SNTG2: variants seen among roughly 807,000 people sequenced by gnomAD.
The protein encoded by SNTG2 is syntrophin gamma 2, also known as gamma-2-syntrophin.
A neutral mutation model predicts 70.9 loss-of-function variants in SNTG2; 74 were observed. The observed-to-expected ratio is 1.04, with a 90% CI of 0.86 to 1.27. The LOEUF (loss-of-function observed/expected upper bound fraction) is 1.27, where lower values mean the gene tolerates loss of function less well. SNTG2 is among the 50% of genes most tolerant of loss of function. The probability of loss-of-function intolerance (pLI) is 0.00; values close to 1 mark genes in which losing one functional copy is unlikely to be tolerated. For synonymous variants in SNTG2, 278 were observed against 273.8 expected (o/e 1.02, Z -0.15); for missense variants, 717 against 690.7 (o/e 1.04, Z -0.43).
At chr2:1,015,048 C>T (rs1228573900) in intron 1 of SNTG2, among the ~76,000 whole-genome samples, 1 of 152,072 alleles carries the variant, frequency 6.6e-6, no homozygotes, top group East Asian at 1.9e-4. Context: ...GAGTGAAAAC[C>T]CTTGGGTGGT....
intron 4 of SNTG2, among the ~76,000 whole-genome samples, chr2:1,127,847 A>C (rs1405406571): frequency 6.6e-6 from 1 of 152,068 alleles, no homozygotes; most frequent in Non-Finnish European, 1.5e-5. Flanking sequence ...CAGTGCTAAG[A>C]GTTTTTTGGT....
chr2:1,153,771 G>A (rs1205017033), intron 6 of SNTG2, among the ~76,000 whole-genome samples: 1 of 152,222 alleles, frequency 6.6e-6, no homozygotes, highest in Non-Finnish European at 1.5e-5. Context: ...GAAAATGTTA[G>A]CTGTTTCTCA....
chr2:996,053 C>T (rs1009102479), intron 1 of SNTG2, among the ~76,000 whole-genome samples: 10 of 152,266 alleles, frequency 6.6e-5, no homozygotes, highest in South Asian at 4.1e-4. Flanking sequence ...TGAGGAAACA[C>T]TTTTATTGTC....
intron 1 of SNTG2, among the ~76,000 whole-genome samples, chr2:1,022,355 G>T (rs1410508411): frequency 6.6e-6 from 1 of 151,696 alleles, no homozygotes; most frequent in African/African-American, 2.4e-5. Flanking sequence ...GAGCCTGTGC[G>T]TTCCCGTGAA....
At chr2:1,033,452 G>A (rs1472880420) in intron 1 of SNTG2, among the ~76,000 whole-genome samples, 1 of 152,232 alleles carries the variant, frequency 6.6e-6, no homozygotes, top group Non-Finnish European at 1.5e-5. Context: ...CGTTGCCTGT[G>A]GCACAGTTAC....
At chr2:1,036,415 A>G (rs1443037699) in intron 1 of SNTG2, among the ~76,000 whole-genome samples, 4 of 152,162 alleles carry the variant, frequency 2.6e-5, no homozygotes, top group Non-Finnish European at 4.4e-5. Context: ...CCTTGAGTCT[A>G]AAAGTGACTC....
At chr2:1,173,510 T>C (rs1029083123) in intron 8 of SNTG2, among the ~76,000 whole-genome samples, 32 of 152,268 alleles carry the variant, frequency 2.1e-4, no homozygotes, top group Non-Finnish European at 8.8e-5. Flanking sequence ...AGGAAACTTC[T>C]GTGAGACTCC....
At chr2:992,225 G>A (rs1661521093) in intron 1 of SNTG2, among the ~76,000 whole-genome samples, 1 of 151,738 alleles carries the variant, frequency 6.6e-6, no homozygotes, top group South Asian at 2.1e-4. Flanking sequence ...ACAGGAAGCA[G>A]AAAAGAAATA....
At chr2:1,141,402 G>T (rs1242572172) in intron 6 of SNTG2, among the ~76,000 whole-genome samples, 1 of 152,216 alleles carries the variant, frequency 6.6e-6, no homozygotes, top group African/African-American at 2.4e-5. Flanking sequence ...GCTAGAAACT[G>T]CAGGAGAAAG....
intron 16 of SNTG2, among the ~76,000 whole-genome samples, chr2:1,330,884 G>T (rs774452169): frequency 3.0e-4 from 46 of 152,156 alleles, no homozygotes; most frequent in Non-Finnish European, 6.2e-4. Flanking sequence ...TTTCAAAAGT[G>T]ACCAAGGCTG....
intron 1 of SNTG2, among the ~76,000 whole-genome samples, chr2:976,716 G>T (rs1660917431): frequency 6.6e-6 from 1 of 152,212 alleles, no homozygotes; most frequent in African/African-American, 2.4e-5. Context: ...GGTGGCACCT[G>T]CTGTCCACTC....
intron 1 of SNTG2, among the ~76,000 whole-genome samples, chr2:1,064,589 T>C (rs987335149): frequency 3.3e-5 from 5 of 152,134 alleles, no homozygotes; most frequent in African/African-American, 1.2e-4. Context: ...ACATCGTTCA[T>C]GAAGTGATAC....
At chr2:954,517 T>G (rs1018607764) in intron 1 of SNTG2, among the ~76,000 whole-genome samples, 1 of 152,256 alleles carries the variant, frequency 6.6e-6, no homozygotes, top group African/African-American at 2.4e-5. Context: ...TACCGCATGT[T>G]GTCATGACTG....
intron 14 of SNTG2, among the ~76,000 whole-genome samples, chr2:1,279,125 C>CCT (rs201449360): frequency 6.9e-6 from 1 of 145,152 alleles, no homozygotes; most frequent in Admixed American, 6.9e-5. Context: ...GCGAATCACC[C>CCT]GTCAGTGCGC....
intron 6 of SNTG2, among the ~76,000 whole-genome samples, chr2:1,155,165 GTAGACCCCCCCCCCACACACATATA>G (rs1669792564): frequency 6.8e-5 from 1 of 14,606 alleles, no homozygotes; most frequent in Admixed American, 9.8e-4. Flanking sequence ...ACACACACAC[GTAGACCCCCCCCCCACACACATATA>G]TAGACCACAC....
chr2:1,175,463 A>G (rs969795303), intron 8 of SNTG2, among the ~76,000 whole-genome samples: 4 of 152,162 alleles, frequency 2.6e-5, no homozygotes, highest in African/African-American at 4.8e-5. Flanking sequence ...CCAGTTCTAC[A>G]AAAAACAGTG....
At chr2:1,255,152 A>G (rs572046500) in intron 12 of SNTG2, among the ~76,000 whole-genome samples, 5 of 152,068 alleles carry the variant, frequency 3.3e-5, no homozygotes, top group South Asian at 2.1e-4. Flanking sequence ...TCAGGAAGCC[A>G]TGGCGTGGAG....
At chr2:1,145,066 A>G (rs1295970528) in intron 6 of SNTG2, among the ~76,000 whole-genome samples, 1 of 152,232 alleles carries the variant, frequency 6.6e-6, no homozygotes, top group Non-Finnish European at 1.5e-5. Context: ...GATGCAGTGA[A>G]AGCAGTGATA....
chr2:1,116,121 C>T (rs368091185), intron 4 of SNTG2, among the ~76,000 whole-genome samples: 1 of 152,130 alleles, frequency 6.6e-6, no homozygotes, highest in Non-Finnish European at 1.5e-5. Context: ...GGGATGTAAT[C>T]GTAGGTGGTT....
Sources: allele counts gnomAD v4.1 joint callset (sites outside exome capture counted in the v4.1 genomes callset), GRCh38; gene constraint gnomAD v4.1.1; transcripts MANE v1.5; gene names NCBI Gene and HGNC (gene_info 2026-07-23, HGNC 2026-07-21).